Variants in FGF13 observed in about 807,000 individuals in gnomAD.
The protein encoded by FGF13 is fibroblast growth factor homologous factor 2.
In FGF13, 2 loss-of-function variants were observed where a neutral mutation model predicts 19.5. The observed-to-expected ratio is 0.10, with a 90% CI of 0.04 to 0.32. The LOEUF is 0.32. Among genes scored for constraint, FGF13 ranks in the 10% least tolerant of loss-of-function variants. FGF13 has a pLI of 1.00. For missense variants in FGF13, 113 were observed against 192.7 expected, an observed-to-expected ratio of 0.59 and a Z score of 2.45; for synonymous variants, 72 against 76.9, an observed-to-expected ratio of 0.94 and a Z score of 0.33.
rs1302660953 is a variant in FGF13 at position 138,622,863 on chromosome X, A to T, written c.*9987T>A. 1 of 111,943 alleles carries T rather than the reference A, an allele frequency of 8.9e-6. No individual in the cohort carries two copies. The highest frequency in any genetic ancestry group is 1.9e-5 in the Non-Finnish European group (1 of 53,144). 9.2% of individuals were successfully genotyped at this position (111,943 alleles called of 1,213,427 possible). A position where few individuals can be genotyped will look rare whatever the true frequency, so the allele number is the denominator to read the frequency against. On this transcript the variant is annotated 3_prime_UTR_variant, in exon 5 of 5. Coordinates refer to ENST00000315930, the MANE Select transcript of FGF13 (RefSeq NM_004114.5). Reference sequence around the variant, plus strand: ...AGGGCTTGCATTGACTCTGTAGATCACTTTAGTTAGTATTAACATTTCTGT... The same window carrying T: ...AGGGCTTGCATTGACTCTGTAGATCTCTTTAGTTAGTATTAACATTTCTGT...
intron 1 of FGF13, among the ~76,000 whole-genome samples, chrX:139,109,656 A>G (rs2083587231): frequency 1.8e-5 from 2 of 111,627 alleles, no homozygotes; most frequent in African/African-American, 3.3e-5. Flanking sequence ...CATCTGAAAC[A>G]GTAGTGAATA....
At chrX:138,953,395 A>G (rs1011884825) in intron 1 of FGF13, among the ~76,000 whole-genome samples, 7 of 109,386 alleles carry the variant, frequency 6.4e-5, no homozygotes, top group African/African-American at 2.3e-4. Context: ...ACTTGGACAC[A>G]GGGCAGGGAA....
intron 1 of FGF13, among the ~76,000 whole-genome samples, chrX:138,937,386 C>G (rs1203851750): frequency 1.8e-5 from 2 of 111,770 alleles, no homozygotes; most frequent in Admixed American, 9.5e-5. Flanking sequence ...TTTCTGCACC[C>G]AAATTATCTC....
At chrX:139,171,867 G>A (rs893708505) in intron 1 of FGF13, among the ~76,000 whole-genome samples, 3 of 111,880 alleles carry the variant, frequency 2.7e-5, no homozygotes, top group Non-Finnish European at 5.6e-5. Flanking sequence ...TCTACTTTGT[G>A]ATTATGATAT....
chrX:139,026,284 C>A (rs959816808), intron 1 of FGF13, among the ~76,000 whole-genome samples: 1 of 110,755 alleles, frequency 9.0e-6, no homozygotes, highest in Middle Eastern at 4.3e-3. Context: ...AGGAGAGCCA[C>A]AGCATGAAAT....
chrX:138,934,920 A>AC (rs951912329), intron 1 of FGF13, among the ~76,000 whole-genome samples: 1 of 110,485 alleles, frequency 9.1e-6, no homozygotes, highest in Non-Finnish European at 1.9e-5. Flanking sequence ...TGGAAAAAAA[A>AC]AAAATACTAT....
intron 3 of FGF13, among the ~76,000 whole-genome samples, chrX:138,663,227 G>A (rs1459036008): frequency 9.0e-6 from 1 of 111,276 alleles, no homozygotes; most frequent in Non-Finnish European, 1.9e-5. Context: ...ATTTTATTTT[G>A]CTTAGGTGAA....
At chrX:138,641,490 T>G (rs1255398848) in intron 3 of FGF13, among the ~76,000 whole-genome samples, 1 of 112,210 alleles carries the variant, frequency 8.9e-6, no homozygotes, top group Non-Finnish European at 1.9e-5. Flanking sequence ...AGGTTTGACT[T>G]GTGTACATCA....
intron 3 of FGF13, among the ~76,000 whole-genome samples, chrX:138,668,213 C>T: frequency 1.8e-5 from 2 of 111,356 alleles, no homozygotes. Flanking sequence ...GAGGTCTATA[C>T]TACTATTACC....
chrX:138,954,095 C>CGAGAGAGAGAGAGAGAGA (rs199755534), intron 1 of FGF13, among the ~76,000 whole-genome samples: 2 of 94,170 alleles, frequency 2.1e-5, no homozygotes, highest in African/African-American at 7.7e-5. Flanking sequence ...GTAAATTTAA[C>CGAGAGAGAGAGAGAGAGA]GAGAGAGAGA....
intron 1 of FGF13, among the ~76,000 whole-genome samples, chrX:138,942,003 T>C (rs2091760537): frequency 8.9e-6 from 1 of 112,221 alleles, no homozygotes; most frequent in African/African-American, 3.2e-5. Context: ...TCATTGGCAT[T>C]ATTTTCAAAT....
At chrX:138,837,035 C>G (rs956551121) in intron 3 of FGF13, among the ~76,000 whole-genome samples, 4 of 111,925 alleles carry the variant, frequency 3.6e-5, no homozygotes, top group Admixed American at 9.4e-5. Flanking sequence ...GGGAGCCAAC[C>G]CCTTCCTCTG....
At chrX:139,040,643 C>T (rs78192860) in intron 1 of FGF13, among the ~76,000 whole-genome samples, 2 of 111,396 alleles carry the variant, frequency 1.8e-5, no homozygotes, top group East Asian at 5.7e-4. Context: ...GACAGTGTGG[C>T]AATTCCTCAA....
intron 1 of FGF13, among the ~76,000 whole-genome samples, chrX:138,977,368 G>C (rs2091943744): frequency 8.9e-6 from 1 of 112,216 alleles, no homozygotes; most frequent in African/African-American, 3.2e-5. Flanking sequence ...AATAGTGGGA[G>C]CTTTTGCCAT....
At chrX:138,706,493 C>T (rs997067977) in intron 2 of FGF13, among the ~76,000 whole-genome samples, 4 of 110,963 alleles carry the variant, frequency 3.6e-5, no homozygotes, top group East Asian at 2.8e-4. Context: ...ATAAAAATAA[C>T]GCAATTCAAT....
At chrX:138,925,311 T>C (rs754492047) in intron 1 of FGF13, among the ~76,000 whole-genome samples, 1 of 111,446 alleles carries the variant, frequency 9.0e-6, no homozygotes, top group East Asian at 2.8e-4. Flanking sequence ...CCTACCACTG[T>C]CTGACACTTT....
intron 3 of FGF13, among the ~76,000 whole-genome samples, chrX:138,790,090 T>C (rs1233711978): frequency 8.2e-5 from 8 of 97,201 alleles, no homozygotes; most frequent in Non-Finnish European, 6.2e-5. Flanking sequence ...ACACACATGC[T>C]GGCACCATGA....
chrX:138,683,877 C>G (rs763956853), intron 3 of FGF13, among the ~76,000 whole-genome samples: 2 of 111,263 alleles, frequency 1.8e-5, no homozygotes, highest in South Asian at 7.5e-4. Context: ...CCAGTTATGC[C>G]CCAGTGGAAT....
chrX:138,845,948 A>T lies in FGF13; in HGVS notation c.217+11564T>A, dbSNP rs192555063. Reference sequence around the variant, plus strand: ...GCCCTTTGTTCCTTCCTTGTTGCTTAAAAAGAACCCGATTTTGTTCACAGC... The same window carrying T: ...GCCCTTTGTTCCTTCCTTGTTGCTTTAAAAGAACCCGATTTTGTTCACAGC... On this transcript the variant is annotated intron_variant, in intron 3 of 6. Transcript: ENST00000436198. 9.9e-5 allele frequency among the ~76,000 whole-genome samples: 11 copies of T among 111,194 alleles called. No homozygotes were observed. The East Asian group carries it at 2.9e-3, about 29-fold the overall frequency.
Sources: gnomAD v4.1 joint callset for allele counts (sites outside exome capture counted in the v4.1 genomes callset) on GRCh38, gnomAD v4.1.1 for gene constraint, MANE v1.5 for transcripts, NCBI Gene and HGNC (gene_info 2026-07-23, HGNC 2026-07-21) for gene names.